Variants in AKAP6 observed in about 807,000 individuals in gnomAD.
The protein encoded by AKAP6 is A-kinase anchor protein 6.
In AKAP6, 58 loss-of-function variants were observed where a neutral mutation model predicts 188.5. The ratio of observed to expected loss-of-function variants is 0.31; its 90% CI spans 0.25 to 0.38. The LOEUF (loss-of-function observed/expected upper bound fraction) is 0.38. AKAP6 is among the 10% of genes least tolerant of loss of function. The pLI is 1.00. For missense variants in AKAP6, 2,710 were observed against 2,740.0 expected, an observed-to-expected ratio of 0.99 and a Z score of 0.24; for synonymous variants, 989 against 998.6, an observed-to-expected ratio of 0.99 and a Z score of 0.18.
intron 2 of AKAP6, among the ~76,000 whole-genome samples, chr14:32,486,126 G>T (rs116033172): frequency 6.6e-6 from 1 of 152,052 alleles, no homozygotes; most frequent in Non-Finnish European, 1.5e-5. Flanking sequence ...TCAGATGGTC[G>T]TAGATGTGGT....
chr14:32,460,238 T>C (rs1236971612), intron 2 of AKAP6, among the ~76,000 whole-genome samples: 3 of 152,134 alleles, frequency 2.0e-5, no homozygotes, highest in Non-Finnish European at 4.4e-5. Context: ...CAACCCTGTT[T>C]CTTCAACAAA....
intron 3 of AKAP6, among the ~76,000 whole-genome samples, chr14:32,536,075 T>C (rs1882663149): frequency 6.6e-6 from 1 of 152,228 alleles, no homozygotes; most frequent in Admixed American, 6.5e-5. Flanking sequence ...AATTATTTAA[T>C]AAATATGTAT....
At chr14:32,613,802 G>T (rs1886447339) in intron 7 of AKAP6, among the ~76,000 whole-genome samples, 1 of 152,136 alleles carries the variant, frequency 6.6e-6, no homozygotes, top group African/African-American at 2.4e-5. Flanking sequence ...TCTGAGAGGT[G>T]TATACACATG....
chr14:32,492,355 T>TATATATATATAGACAGAGAGAG, intron 2 of AKAP6, among the ~76,000 whole-genome samples: 1 of 82,610 alleles, frequency 1.2e-5, no homozygotes, highest in East Asian at 6.5e-4. Context: ...TATATATATA[T>TATATATATATAGACAGAGAGAG]AGAGAGAGAG....
rs578079844 is a variant in AKAP6 at position 32,369,679 on chromosome 14, A to AT, written c.-35+40273dup. Among the ~76,000 whole-genome samples the AT allele has an allele frequency of 3.4e-3, 516 of 152,330 alleles. 6 individuals are homozygous for AT. The highest frequency in any genetic ancestry group is 0.011 in the African/African-American group (445 of 41,576). ...ACAATCCATTTTAAGCACTGAGTTT[A>AT]TTCCTTTAGTGGTTGGCTTGCTCCA... is the stretch of plus-strand genomic sequence containing the variant. On this transcript the variant is annotated intron_variant, in intron 1 of 13. Coordinates refer to ENST00000280979, the MANE Select transcript of AKAP6 (RefSeq NM_004274.5).
intron 1 of AKAP6, among the ~76,000 whole-genome samples, chr14:32,379,368 T>C (rs1467242546): frequency 6.6e-6 from 1 of 152,258 alleles, no homozygotes; most frequent in Non-Finnish European, 1.5e-5. Context: ...TCCTCTGTAA[T>C]ACAGGTTCTC....
rs780257835 is a variant in AKAP6 at position 32,823,710 on chromosome 14, A to G, written c.5897A>G (p.Asn1966Ser). The stretch of plus-strand genomic sequence containing the variant: ...AGACATCTTCCAAAGAAATGTCCAA[A>G]TCACCACCATTTTGAAAATCAAAGC... ...DVRHLPKKCP[N>S]HHHFENQSTA... Residue 1966 changes from asparagine (N) to serine (S), a missense_variant, in exon 13 of 14, where the codon AAT becomes AGT. Asn to Ser is a conservative substitution (Grantham distance 46). Coordinates refer to ENST00000280979, the MANE Select transcript of AKAP6 (RefSeq NM_004274.5). 3 of 1,613,644 alleles carry G rather than the reference A, an allele frequency of 1.9e-6. No individual in the cohort carries two copies. The African/African-American group carries it at 4.0e-5, about 22-fold the overall frequency.
chr14:32,373,186 A>G (rs1460877276), intron 1 of AKAP6, among the ~76,000 whole-genome samples: 2 of 152,126 alleles, frequency 1.3e-5, no homozygotes, highest in Non-Finnish European at 1.5e-5. Context: ...GGGGAACTGT[A>G]ATAGAAAAAG....
rs1375357073 is a variant in AKAP6, at chr14:32,448,116, G to A, written c.324+14299G>A. On this transcript the variant is annotated intron_variant, in intron 2 of 13. Coordinates refer to ENST00000280979, the MANE Select transcript of AKAP6 (RefSeq NM_004274.5). The stretch of plus-strand genomic sequence containing the variant: ...AATACTTCAGTGGCAGCTTCTCTTT[G>A]TTCTCAATTGCCTGGACTAGAACCA... Among the ~76,000 whole-genome samples the A allele has an allele frequency of 3.3e-5, 5 of 152,290 alleles. No homozygotes were observed. The East Asian group carries it at 9.6e-4, about 29-fold the overall frequency.
At chr14:32,365,230 A>C (rs758474099) in intron 1 of AKAP6, among the ~76,000 whole-genome samples, 35 of 152,318 alleles carry the variant, frequency 2.3e-4, no homozygotes, top group Middle Eastern at 3.4e-3. Flanking sequence ...GTGTCAAGTG[A>C]GTCATGTCTG....
intron 4 of AKAP6, among the ~76,000 whole-genome samples, chr14:32,553,856 AATAAATT>A (rs1555339364): frequency 6.6e-6 from 1 of 152,196 alleles, no homozygotes; most frequent in Non-Finnish European, 1.5e-5. Flanking sequence ...CCATTGTGTG[AATAAATT>A]ACTAGAGCAT....
intron 2 of AKAP6, among the ~76,000 whole-genome samples, chr14:32,443,262 T>A (rs1244568002): frequency 6.6e-6 from 1 of 151,864 alleles, no homozygotes; most frequent in South Asian, 2.1e-4. Flanking sequence ...GGCGTGGTGG[T>A]GGGCGCCTAT....
chr14:32,397,601 A>C (rs1431650737), intron 1 of AKAP6, among the ~76,000 whole-genome samples: 1 of 152,084 alleles, frequency 6.6e-6, no homozygotes, highest in East Asian at 1.9e-4. Context: ...TATGACTTGA[A>C]TATCTTTATT....
In AKAP6 at chr14:32,546,884, C is replaced by T; in HGVS notation, c.2231C>T (p.Ala744Val). The T allele has an allele frequency of 6.2e-7, 1 of 1,613,992 alleles. No individual in the cohort carries two copies. Among genetic ancestry groups the T allele is most frequent in the Non-Finnish European group, 8.5e-7 (1 of 1,179,994 alleles). The change falls in exon 4 of 14, where the codon GCT (alanine) becomes GTT (valine). Residue 744 changes from alanine (A) to valine (V), a missense_variant. Coordinates refer to ENST00000280979, the MANE Select transcript of AKAP6 (RefSeq NM_004274.5). Reference sequence around the variant, plus strand: ...TATGCTGATGAGAAGTCAGAAAGAGCTTCATCCTCTGAGAAAAATGAGAGC... The same window carrying T: ...TATGCTGATGAGAAGTCAGAAAGAGTTTCATCCTCTGAGAAAAATGAGAGC... ...KKYADEKSERASSSEKNESHS... is the reference protein window; with the variant it reads ...KKYADEKSERVSSSEKNESHS...
chr14:32,526,668 C>G (rs1882146750), intron 2 of AKAP6, among the ~76,000 whole-genome samples: 1 of 152,146 alleles, frequency 6.6e-6, no homozygotes, highest in Admixed American at 6.5e-5. Flanking sequence ...GTGTGAGCCA[C>G]CATGTTCAGC....
chr14:32,626,482 G>T (rs1389161698), intron 7 of AKAP6, among the ~76,000 whole-genome samples: 1 of 152,050 alleles, frequency 6.6e-6, no homozygotes, highest in Non-Finnish European at 1.5e-5. Flanking sequence ...TCCTTAAAAA[G>T]ATGTTGACAA....
At chr14:32,784,671 T>C (rs2033349695) in intron 12 of AKAP6, among the ~76,000 whole-genome samples, 1 of 152,182 alleles carries the variant, frequency 6.6e-6, no homozygotes, top group African/African-American at 2.4e-5. Flanking sequence ...GTTACCACTT[T>C]TAATATGTTG....
At chr14:32,814,050 A>G (rs1368654062) in intron 12 of AKAP6, among the ~76,000 whole-genome samples, 1 of 152,056 alleles carries the variant, frequency 6.6e-6, no homozygotes, top group Non-Finnish European at 1.5e-5. Flanking sequence ...AAGGTGTTGA[A>G]CAGTACCTGA....
chr14:32,466,350 G>A (rs1370439445), intron 2 of AKAP6, among the ~76,000 whole-genome samples: 2 of 152,178 alleles, frequency 1.3e-5, no homozygotes, highest in South Asian at 2.1e-4. Context: ...TGATAGGCTG[G>A]ATAAAGAATA....
Sources: allele counts gnomAD v4.1 joint callset (sites outside exome capture counted in the v4.1 genomes callset), GRCh38; gene constraint gnomAD v4.1.1; transcripts MANE v1.5; gene names NCBI Gene and HGNC (gene_info 2026-07-23, HGNC 2026-07-21).